ZDHHC14: variants seen among roughly 807,000 people sequenced by gnomAD.
The protein encoded by ZDHHC14 is palmitoyltransferase ZDHHC14.
A neutral mutation model predicts 47.7 loss-of-function variants in ZDHHC14; 16 were observed. That is an observed-to-expected ratio of 0.34 (90% CI 0.23 to 0.51). ZDHHC14 has a LOEUF of 0.51. Among genes scored for constraint, ZDHHC14 ranks in the 20% least tolerant of loss-of-function variants. The pLI is 0.97. For missense variants in ZDHHC14, 515 were observed against 662.5 expected (o/e 0.78, Z 2.44); for synonymous variants, 293 against 278.9 (o/e 1.05, Z -0.50).
At chr6:157,558,028 A>G (rs1782548369) in intron 2 of ZDHHC14, among the ~76,000 whole-genome samples, 1 of 152,280 alleles carries the variant, frequency 6.6e-6, no homozygotes, top group African/African-American at 2.4e-5. Context: ...AAGCAGGTGA[A>G]GTTCACTTTA....
At chr6:157,505,136 C>G (rs898678191) in intron 1 of ZDHHC14, among the ~76,000 whole-genome samples, 6 of 152,116 alleles carry the variant, frequency 3.9e-5, no homozygotes, top group Non-Finnish European at 8.8e-5. Context: ...AACTCAAAAG[C>G]AAGCATATTC....
intron 5 of ZDHHC14, 122 bp from the exon 6 acceptor site, chr6:157,645,615 G>C: frequency 1.4e-6 from 1 of 710,652 alleles, no homozygotes; most frequent in Non-Finnish European, 2.3e-6. Context: ...GCAAGGCCGG[G>C]TGAGAGAGAG....
At chr6:157,429,696 A>G (rs1316310819) in intron 1 of ZDHHC14, among the ~76,000 whole-genome samples, 5 of 152,162 alleles carry the variant, frequency 3.3e-5, no homozygotes, top group African/African-American at 1.2e-4. Flanking sequence ...ACAGACTTGA[A>G]GGGCTGGATA....
intron 5 of ZDHHC14, among the ~76,000 whole-genome samples, chr6:157,642,066 A>ATAGATAGATAGATAGTTAGT: frequency 6.8e-6 from 1 of 147,832 alleles, no homozygotes; most frequent in African/African-American, 2.5e-5. Flanking sequence ...AGATAGATAG[A>ATAGATAGATAGATAGTTAGT]TAGTTATCAT....
intron 1 of ZDHHC14, among the ~76,000 whole-genome samples, chr6:157,388,091 A>G (rs1266142578): frequency 6.6e-6 from 1 of 152,194 alleles, no homozygotes; most frequent in Admixed American, 6.5e-5. Context: ...ACTTCTTTCT[A>G]GTATTTATTT....
intron 3 of ZDHHC14, among the ~76,000 whole-genome samples, chr6:157,616,558 G>A (rs530679880): frequency 4.6e-5 from 7 of 152,286 alleles, no homozygotes; most frequent in Admixed American, 4.6e-4. Context: ...TGCCCAGCAG[G>A]AAAGGCTGCC....
rs151071813 is a variant in ZDHHC14 at position 157,564,133 on chromosome 6, G to C, written c.406+21388G>C. Among the ~76,000 whole-genome samples the C allele has an allele frequency of 4.0e-3, 607 of 152,308 alleles. 2 individuals carry two copies. Among genetic ancestry groups the C allele is most frequent in the African/African-American group, 0.014 (576 of 41,562 alleles). On this transcript the variant is annotated intron_variant, in intron 2 of 8. Coordinates refer to ENST00000359775, the MANE Select transcript of ZDHHC14 (RefSeq NM_024630.3). Reference sequence around the variant, plus strand: ...AGAATTGAGAAACTCCTTTTCTGCTGACCAGATTTTTAAAAAAATCCAACC... The same window carrying C: ...AGAATTGAGAAACTCCTTTTCTGCTCACCAGATTTTTAAAAAAATCCAACC...
intron 1 of ZDHHC14, among the ~76,000 whole-genome samples, chr6:157,459,553 C>T (rs925842726): frequency 1.3e-5 from 2 of 152,090 alleles, no homozygotes; most frequent in African/African-American, 4.8e-5. Flanking sequence ...TGCCTGTAAA[C>T]TGATAAGGGA....
At chr6:157,421,898 G>A (rs1342121786) in intron 1 of ZDHHC14, among the ~76,000 whole-genome samples, 3 of 152,092 alleles carry the variant, frequency 2.0e-5, no homozygotes, top group Non-Finnish European at 2.9e-5. Context: ...GTGAGCCACC[G>A]CGCCCGGCCT....
At chr6:157,661,658 G>T (rs1778348089) in intron 8 of ZDHHC14, among the ~76,000 whole-genome samples, 1 of 152,182 alleles carries the variant, frequency 6.6e-6, no homozygotes. Flanking sequence ...CTTTGGGGCT[G>T]GGTGATCTTG....
rs190280561 is a variant in ZDHHC14, at chr6:157,561,501, G to A, written c.406+18756G>A. On this transcript the variant is annotated intron_variant, in intron 2 of 8. Coordinates refer to ENST00000359775, the MANE Select transcript of ZDHHC14 (RefSeq NM_024630.3). ...TGACTCAGCAGGTAGAGTGTCCGAC[G>A]GGCGCGCATGTGAGACCTGCTGTCC... Among the ~76,000 whole-genome samples the A allele has an allele frequency of 6.9e-3, 1,056 of 152,214 alleles. 2 individuals carry two copies. The highest frequency in any genetic ancestry group is 0.031 in the Middle Eastern group (9 of 294).
At chr6:157,478,526 A>T (rs1779544153) in intron 1 of ZDHHC14, among the ~76,000 whole-genome samples, 1 of 152,182 alleles carries the variant, frequency 6.6e-6, no homozygotes, top group Admixed American at 6.5e-5. Flanking sequence ...TTTTGCTGAA[A>T]GTGACCTTCC....
At chr6:157,601,228 G>T (rs1024570538) in intron 3 of ZDHHC14, among the ~76,000 whole-genome samples, 3 of 152,026 alleles carry the variant, frequency 2.0e-5, no homozygotes, top group Non-Finnish European at 4.4e-5. Context: ...ATGTTAAAAA[G>T]GAAAAAAGCT....
At position 157,382,149 on chromosome 6, in the gene ZDHHC14, T is replaced by C; in HGVS notation, c.128T>C (p.Phe43Ser). 6.2e-7 allele frequency: 1 copy of C among 1,613,678 alleles called. No homozygotes were observed. Among genetic ancestry groups the C allele is most frequent in the Non-Finnish European group, 8.5e-7 (1 of 1,179,838 alleles). Residue 43 changes from phenylalanine to serine, a missense_variant, in exon 1 of 9, where the codon TTC becomes TCC. Transcript: ENST00000359775. ...KIAARRKWEV[F>S]PGRNKFFCNG... The stretch of plus-strand genomic sequence containing the variant: ...GCGGCCCGGAGGAAATGGGAGGTGT[T>C]CCCGGGAAGAAACAAGTTCTTCTGT...
intron 1 of ZDHHC14, 27 bp downstream of exon 1, chr6:157,382,293 C>T (rs771694281): frequency 2.8e-5 from 45 of 1,609,520 alleles, no homozygotes; most frequent in Non-Finnish European, 3.8e-5. Flanking sequence ...GCTCCCCCGA[C>T]GCCGCACTCC....
chr6:157,407,753 G>A (rs1363235872), intron 1 of ZDHHC14, among the ~76,000 whole-genome samples: 2 of 152,194 alleles, frequency 1.3e-5, no homozygotes, highest in Non-Finnish European at 2.9e-5. Flanking sequence ...ATTGTAGTCT[G>A]ATGGGACAGA....
intron 1 of ZDHHC14, among the ~76,000 whole-genome samples, chr6:157,449,100 T>C (rs1432216510): frequency 1.3e-5 from 2 of 152,238 alleles, no homozygotes; most frequent in Non-Finnish European, 2.9e-5. Flanking sequence ...CCCAGGACCA[T>C]ACTTTTGTCA....
At chr6:157,660,962 G>T (rs867735571) in intron 8 of ZDHHC14, among the ~76,000 whole-genome samples, 2 of 152,216 alleles carry the variant, frequency 1.3e-5, no homozygotes, top group Non-Finnish European at 2.9e-5. Context: ...CAGACTGTTG[G>T]GGGAGGGGCA....
intron 1 of ZDHHC14, 74 bp downstream of exon 1, chr6:157,382,340 C>T: frequency 6.5e-7 from 1 of 1,535,552 alleles, no homozygotes; most frequent in Non-Finnish European, 8.8e-7. Flanking sequence ...CCTCGGGCTG[C>T]TTTCGTTTTC....
Sources: allele counts gnomAD v4.1 joint callset (sites outside exome capture counted in the v4.1 genomes callset), GRCh38; gene constraint gnomAD v4.1.1; transcripts MANE v1.5; gene names NCBI Gene and HGNC (gene_info 2026-07-23, HGNC 2026-07-21).